RAB3GAP1: variants seen among roughly 807,000 people sequenced by gnomAD.
The protein encoded by RAB3GAP1 is RAB3 GTPase activating protein catalytic subunit 1.
In RAB3GAP1, 86 loss-of-function variants were observed where a neutral mutation model predicts 130.7. That is an observed-to-expected ratio of 0.66 (90% confidence interval 0.55 to 0.79). The LOEUF (loss-of-function observed/expected upper bound fraction) is 0.79. RAB3GAP1 is among the 30% of genes least tolerant of loss of function. The pLI, the probability that RAB3GAP1 is intolerant of heterozygous loss-of-function variation, is 0.00. For missense variants in RAB3GAP1, 1,029 were observed against 1,169.4 expected (o/e 0.88, Z 1.75); for synonymous variants, 367 against 401.7 (o/e 0.91, Z 1.03).
chr2:135,105,483 C>G (rs1370697532), intron 5 of RAB3GAP1, among the ~76,000 whole-genome samples: 1 of 152,148 alleles, frequency 6.6e-6, no homozygotes, highest in Non-Finnish European at 1.5e-5. Context: ...ATCTGCCAGC[C>G]TCGGCCTCTG....
chr2:135,122,280 T>A (rs904455741), intron 8 of RAB3GAP1, among the ~76,000 whole-genome samples: 2 of 152,158 alleles, frequency 1.3e-5, no homozygotes, highest in African/African-American at 4.8e-5. Flanking sequence ...AACACTCAAA[T>A]GTTTGTGTTG....
rs187714628 is a variant in RAB3GAP1, at chr2:135,057,303, G to A, written c.75-708G>A. On this transcript the variant is annotated intron_variant, in intron 2 of 23. Coordinates refer to ENST00000264158, the MANE Select transcript of RAB3GAP1 (RefSeq NM_012233.3). ...ATATTTTCTTTTTTTGTTGGGGGCT[G>A]GGGGGGTAAATCGGAATTCCTAATA... 3.0e-3 allele frequency among the ~76,000 whole-genome samples: 450 copies of A among 152,088 alleles called. 4 individuals are homozygous for A. The highest frequency in any genetic ancestry group is 1.8e-3 in the Admixed American group (28 of 15,272).
In RAB3GAP1 at chr2:135,052,316, C is replaced by A. The variant is rs748971304; in HGVS notation, c.9C>A (p.Ala3=). 1.2e-6 allele frequency: 2 copies of A among 1,613,724 alleles called. No individual in the cohort carries two copies. The highest frequency in any genetic ancestry group is 1.3e-5 in the African/African-American group (1 of 74,900). ...GCCCGGCGCTCCTCAAGATGGCTGC[C>A]GACAGTGAGGTGATTTCTTTGCTCC... The part of the protein sequence containing the change: MA[A]DSEPESEVFE... Residue 3 remains alanine, a synonymous_variant, in exon 1 of 24, where the codon GCC becomes GCA. Coordinates refer to ENST00000264158, the MANE Select transcript of RAB3GAP1 (RefSeq NM_012233.3).
rs991061038 is a variant in RAB3GAP1, at chr2:135,064,691, G to GT, written c.150+6616dup. 4.2e-3 allele frequency among the ~76,000 whole-genome samples: 448 copies of GT among 107,058 alleles called. 3 individuals are homozygous for GT. Among genetic ancestry groups the GT allele is most frequent in the Middle Eastern group, 0.011 (2 of 190 alleles). The allele number at this position is 107,058 out of a possible 152,430, so 70.2% of individuals were successfully genotyped here. A position where few individuals can be genotyped will look rare whatever the true frequency, so the allele number is the denominator to read the frequency against. On this transcript the variant is annotated intron_variant, in intron 3 of 23. Transcript: ENST00000264158. The stretch of plus-strand genomic sequence containing the variant: ...TTTGGGGTTGGTTTCTGTTGATTAT[G>GT]TTTTTTTTTTTGAGTATAGATCACA...
chr2:135,119,119 A>G (rs1442415015), intron 7 of RAB3GAP1, among the ~76,000 whole-genome samples: 2 of 50,094 alleles, frequency 4.0e-5, no homozygotes, highest in East Asian at 1.3e-3. Context: ...TTCTGTCCTT[A>G]TTTTTTTGAG....
At position 135,162,537 on chromosome 2, in the gene RAB3GAP1, G is replaced by A; in HGVS notation, c.2290-18G>A. 6.3e-7 allele frequency: 1 copy of A among 1,598,116 alleles called. No homozygotes were observed. ...TGACACCTGCGCTGATCATTTGTGT[G>A]CGCTGCACCTCCTTCAGGTGCTGCA... On this transcript the variant is annotated intron_variant, in intron 19 of 23. Coordinates refer to ENST00000264158, the MANE Select transcript of RAB3GAP1 (RefSeq NM_012233.3).
At chr2:135,058,227 A>G in intron 3 of RAB3GAP1, 141 bp downstream of exon 3, 1 of 727,298 alleles carries the variant, frequency 1.4e-6, no homozygotes, top group Non-Finnish European at 2.4e-6. Flanking sequence ...AGCATTTGGA[A>G]GAATTTGGAT....
intron 17 of RAB3GAP1, among the ~76,000 whole-genome samples, chr2:135,140,564 A>G (rs1349741140): frequency 3.3e-5 from 5 of 152,208 alleles, no homozygotes; most frequent in Admixed American, 2.6e-4. Flanking sequence ...TAAGCTTCCA[A>G]AAAGCTTCCC....
chr2:135,126,053 C>T (rs1691338075), intron 9 of RAB3GAP1, 128 bp from the exon 10 acceptor site: 1 of 704,710 alleles, frequency 1.4e-6, no homozygotes, highest in Admixed American at 2.7e-5. Context: ...TAAGTTGTTT[C>T]CAGTATGTTG....
intron 3 of RAB3GAP1, among the ~76,000 whole-genome samples, chr2:135,069,097 A>G (rs778759513): frequency 6.6e-6 from 1 of 152,238 alleles, no homozygotes; most frequent in Non-Finnish European, 1.5e-5. Context: ...ATCATTAGTA[A>G]TAACAGTTAA....
Position 135,130,601 on chromosome 2 carries a change from A to G in RAB3GAP1, c.1116A>G (p.Ser372=), listed in dbSNP as rs1053181755. 6.2e-7 allele frequency: 1 copy of G among 1,613,772 alleles called. No individual in the cohort carries two copies. Among genetic ancestry groups the G allele is most frequent in the African/African-American group, 1.3e-5 (1 of 74,942 alleles). Residue 372 remains serine (S), a synonymous_variant, in exon 13 of 24, where the codon TCA becomes TCG. Transcript: ENST00000264158. ...HALSKLTEPA[S]VPIHKLSVSN... ...TGTCAAAATTGACAGAGCCGGCATC[A>G]GTTCCAATTCATAAATTATCAGTTT...
intron 17 of RAB3GAP1, chr2:135,136,610 T>TA: frequency 1.4e-6 from 1 of 721,366 alleles, no homozygotes; most frequent in Non-Finnish European, 2.0e-6. Context: ...CTCAGATGTT[T>TA]AAAAAAGAAA....
chr2:135,058,141 T>C, intron 3 of RAB3GAP1, 55 bp downstream of exon 3: 1 of 1,436,082 alleles, frequency 7.0e-7, no homozygotes, highest in Non-Finnish European at 9.8e-7. Flanking sequence ...AACCTCTATT[T>C]TCCAGCCCTT....
At chr2:135,161,996 T>C (rs907748859) in intron 19 of RAB3GAP1, among the ~76,000 whole-genome samples, 3 of 152,178 alleles carry the variant, frequency 2.0e-5, no homozygotes, top group African/African-American at 7.2e-5. Context: ...TATAGGGTTA[T>C]ACTTCTTTTA....
intron 3 of RAB3GAP1, among the ~76,000 whole-genome samples, chr2:135,081,517 T>G (rs1689821353): frequency 6.6e-6 from 1 of 151,070 alleles, no homozygotes; most frequent in South Asian, 2.1e-4. Flanking sequence ...TTCCACACTT[T>G]TGCTGTCTTT....
At chr2:135,080,156 C>A (rs1478219777) in intron 3 of RAB3GAP1, among the ~76,000 whole-genome samples, 1 of 151,522 alleles carries the variant, frequency 6.6e-6, no homozygotes, top group Non-Finnish European at 1.5e-5. Context: ...AATACTTAAC[C>A]TCATGTAAGT....
chr2:135,094,716 CACTA>C (rs1309537336), intron 5 of RAB3GAP1, among the ~76,000 whole-genome samples: 1 of 152,178 alleles, frequency 6.6e-6, no homozygotes, highest in Non-Finnish European at 1.5e-5. Flanking sequence ...ATCCATAAGA[CACTA>C]ACATCATTCT....
intron 11 of RAB3GAP1, 35 bp from the exon 12 acceptor site, chr2:135,129,960 G>C: frequency 7.8e-7 from 1 of 1,285,252 alleles, no homozygotes; most frequent in Non-Finnish European, 1.1e-6. Flanking sequence ...TTTTTTTTCA[G>C]TTAAGTGTCA....
At position 135,102,777 on chromosome 2, in the gene RAB3GAP1, A is replaced by C. The variant is rs142456791; in HGVS notation, c.362+9084A>C. Among the ~76,000 whole-genome samples, 1,518 of 152,140 alleles carry C rather than the reference A, an allele frequency of 1.0e-2. 22 individuals carry two copies. Among genetic ancestry groups the C allele is most frequent in the African/African-American group, 0.035 (1,445 of 41,528 alleles). On this transcript the variant is annotated intron_variant, in intron 5 of 23. Coordinates refer to ENST00000264158, the MANE Select transcript of RAB3GAP1 (RefSeq NM_012233.3). ...ATGCCTGTAATCCCAGCACTATGGG[A>C]TGCCAAGGCGGGCGGATCACGAGGT... is the stretch of plus-strand genomic sequence containing the variant.
Sources: gnomAD v4.1 joint callset for allele counts (sites outside exome capture counted in the v4.1 genomes callset) on GRCh38, gnomAD v4.1.1 for gene constraint, MANE v1.5 for transcripts, NCBI Gene and HGNC (gene_info 2026-07-23, HGNC 2026-07-21) for gene names.